Variants in DYNC2H1 observed in about 807,000 individuals in gnomAD.
The protein encoded by DYNC2H1 is dynein cytoplasmic 2 heavy chain 1, also known as cytoplasmic dynein 2 heavy chain 1.
DYNC2H1 carries 410 observed loss-of-function variants against 570.0 expected under a neutral mutation model. That is an observed-to-expected ratio of 0.72 (90% CI 0.66 to 0.78). The LOEUF is 0.78. Among genes scored for constraint, DYNC2H1 ranks in the 30% least tolerant of loss-of-function variants. The pLI, the probability that DYNC2H1 is intolerant of heterozygous loss-of-function variation, is 0.00. For missense variants in DYNC2H1, 4,865 were observed against 5,046.4 expected (o/e 0.96, Z 1.09); for synonymous variants, 1,688 against 1,677.6 (o/e 1.01, Z -0.15).
chr11:103,314,888 T>G (rs1382772822), intron 79 of DYNC2H1, among the ~76,000 whole-genome samples: 1 of 152,070 alleles, frequency 6.6e-6, no homozygotes, highest in Non-Finnish European at 1.5e-5. Flanking sequence ...TATTAAACAT[T>G]TTTTAAAAAT....
chr11:103,272,915 C>T (rs1332938327), intron 70 of DYNC2H1, among the ~76,000 whole-genome samples: 5 of 151,608 alleles, frequency 3.3e-5, no homozygotes, highest in Non-Finnish European at 2.9e-5. Context: ...GTTATATATC[C>T]CCTTGATATT....
At chr11:103,184,097 A>G (rs934810526) in intron 40 of DYNC2H1, among the ~76,000 whole-genome samples, 2 of 151,904 alleles carry the variant, frequency 1.3e-5, no homozygotes, top group African/African-American at 4.8e-5. Flanking sequence ...CTCATCCTTC[A>G]GTCTTAGCTT....
intron 70 of DYNC2H1, among the ~76,000 whole-genome samples, chr11:103,273,364 C>T (rs1421559823): frequency 6.6e-6 from 1 of 151,796 alleles, no homozygotes; most frequent in Admixed American, 6.6e-5. Context: ...ACTTTTTGTA[C>T]TTTTTGTAGA....
chr11:103,166,157 G>A (rs1861296156), intron 31 of DYNC2H1, 109 bp downstream of exon 31: 2 of 844,830 alleles, frequency 2.4e-6, no homozygotes, highest in Non-Finnish European at 3.3e-6. Flanking sequence ...GTGATTACTC[G>A]AGGAATTACA....
chr11:103,297,334 AG>A (rs1279928622), intron 75 of DYNC2H1, among the ~76,000 whole-genome samples: 2 of 152,174 alleles, frequency 1.3e-5, no homozygotes, highest in East Asian at 3.8e-4. Context: ...GTTTAACAAA[AG>A]TACAGTCATG....
intron 87 of DYNC2H1, among the ~76,000 whole-genome samples, chr11:103,463,340 A>T (rs78542069): frequency 6.6e-6 from 1 of 152,194 alleles, no homozygotes; most frequent in Non-Finnish European, 1.5e-5. Flanking sequence ...TGGCTTTTTT[A>T]AAGTAAAAGG....
intron 55 of DYNC2H1, 50 bp downstream of exon 55, chr11:103,215,908 T>C (rs1055813425): frequency 1.3e-6 from 2 of 1,572,084 alleles, no homozygotes; most frequent in Non-Finnish European, 1.7e-6. Flanking sequence ...AGAGCATTTA[T>C]GCCTGATAGT....
intron 18 of DYNC2H1, 137 bp downstream of exon 18, chr11:103,143,532 C>A: frequency 1.2e-6 from 1 of 855,950 alleles, no homozygotes; most frequent in Non-Finnish European, 1.7e-6. Flanking sequence ...ACTTGAGTAT[C>A]ATCTAGGTAG....
chr11:103,239,737 GC>G lies in DYNC2H1; in HGVS notation c.9819+3199del, dbSNP rs1351068298. 1.3e-5 allele frequency among the ~76,000 whole-genome samples: 2 copies of G among 151,410 alleles called. No homozygotes were observed. The highest frequency in any genetic ancestry group is 2.9e-5 in the Non-Finnish European group (2 of 67,914). On this transcript the variant is annotated intron_variant, in intron 63 of 88. Coordinates refer to ENST00000375735, the MANE Select transcript of DYNC2H1 (RefSeq NM_001377.3). This position sits in a 1 kb window ranked among gnomAD's most constrained non-coding sequence, Gnocchi z 4.3. The stretch of plus-strand genomic sequence containing the variant: ...CTCTCCTTAGTGAATCAAGAGTTAG[GC>G]TTTAGTTTTATTTATAAAATGTTTT...
chr11:103,478,015 G>A (rs1945617608), intron 88 of DYNC2H1, among the ~76,000 whole-genome samples: 1 of 149,168 alleles, frequency 6.7e-6, no homozygotes, highest in African/African-American at 2.5e-5. Context: ...TGAAACTACT[G>A]AAGAGACAAC....
Position 103,257,931 on chromosome 11 carries a change from C to A in DYNC2H1, c.10605+180C>A, listed in dbSNP as rs575669746. On this transcript the variant is annotated intron_variant, in intron 69 of 88. Transcript: ENST00000375735. ...ACTTAATTTCTTTTTATATTGTTAACAAGGTGTCCCAATGTGACAATCTTT... is the reference window on the plus strand; with the variant it reads ...ACTTAATTTCTTTTTATATTGTTAAAAAGGTGTCCCAATGTGACAATCTTT... Among the ~76,000 whole-genome samples, 52 of 152,192 alleles carry A rather than the reference C, an allele frequency of 3.4e-4. No homozygotes were observed. The East Asian group carries it at 9.6e-3, about 28-fold the overall frequency.
At chr11:103,174,027 T>A in intron 35 of DYNC2H1, 28 bp from the exon 36 acceptor site, 1 of 1,457,156 alleles carries the variant, frequency 6.9e-7, no homozygotes, top group Non-Finnish European at 9.4e-7. Flanking sequence ...AGCTATTTGA[T>A]GTGTTGATTT....
chr11:103,264,069 A>T lies in DYNC2H1; in HGVS notation c.10695+4092A>T, dbSNP rs1865417266. ...ATACAAACTACCATCAGAGAATACT[A>T]TAAACACCTCTACGCAAATAAACTA... On this transcript the variant is annotated intron_variant, in intron 70 of 88. Transcript: ENST00000375735. This position sits in a 1 kb window ranked among gnomAD's most constrained non-coding sequence, Gnocchi z 4.8. Among the ~76,000 whole-genome samples the T allele has an allele frequency of 6.6e-6, 1 of 152,334 alleles. No homozygotes were observed. Among genetic ancestry groups the T allele is most frequent in the African/African-American group, 2.4e-5 (1 of 41,582 alleles).
At position 103,181,632 on chromosome 11, in the gene DYNC2H1, C is replaced by A; in HGVS notation, c.6348-125C>A. ...CATACTCATAGTAAAGTAACTAAAGCCACCTTTTGTATGCTAGCAGACAAA... is the reference window on the plus strand; with the variant it reads ...CATACTCATAGTAAAGTAACTAAAGACACCTTTTGTATGCTAGCAGACAAA... On this transcript the variant is annotated intron_variant, in intron 39 of 88. Transcript: ENST00000375735. This position sits in a 1 kb window ranked among gnomAD's most constrained non-coding sequence, Gnocchi z 5.0. The A allele has an allele frequency of 1.0e-6, 1 of 996,440 alleles. No homozygotes were observed. Among genetic ancestry groups the A allele is most frequent in the Non-Finnish European group, 1.4e-6 (1 of 691,476 alleles). The allele number at this position is 996,440 out of a possible 1,614,324, so 61.7% of individuals were successfully genotyped here. A position where few individuals can be genotyped will look rare whatever the true frequency, so the allele number is the denominator to read the frequency against.
chr11:103,459,898 G>A (rs894559818), intron 87 of DYNC2H1, among the ~76,000 whole-genome samples: 27 of 144,702 alleles, frequency 1.9e-4, no homozygotes, highest in Non-Finnish European at 3.3e-4. Flanking sequence ...CTTGCAGTGA[G>A]CCGAGATTGC....
chr11:103,302,353 T>G (rs953581291), intron 75 of DYNC2H1, among the ~76,000 whole-genome samples: 1 of 152,084 alleles, frequency 6.6e-6, no homozygotes, highest in African/African-American at 2.4e-5. Context: ...CAGTAGGTGA[T>G]GAATAAATAG....
At chr11:103,379,734 G>A (rs1941558247) in intron 83 of DYNC2H1, among the ~76,000 whole-genome samples, 1 of 152,144 alleles carries the variant, frequency 6.6e-6, no homozygotes, top group Non-Finnish European at 1.5e-5. Flanking sequence ...GACAGATTCT[G>A]TGAGGACTTT....
At chr11:103,321,347 G>T in intron 81 of DYNC2H1, 110 bp downstream of exon 81, 1 of 1,133,436 alleles carries the variant, frequency 8.8e-7, no homozygotes, top group Non-Finnish European at 1.3e-6. Flanking sequence ...ATTATTCACA[G>T]TTTGGATTAT....
At chr11:103,274,360 T>C (rs1035485375) in intron 70 of DYNC2H1, among the ~76,000 whole-genome samples, 2 of 151,920 alleles carry the variant, frequency 1.3e-5, no homozygotes, top group African/African-American at 4.8e-5. Context: ...ACCATGTCTG[T>C]AAAAACAAAC....
Sources: allele counts gnomAD v4.1 joint callset (sites outside exome capture counted in the v4.1 genomes callset), GRCh38; gene constraint gnomAD v4.1.1; non-coding constraint Gnocchi (gnomAD v3.1); transcripts MANE v1.5; gene names NCBI Gene and HGNC (gene_info 2026-07-23, HGNC 2026-07-21).